The following RALA variants were observed in gnomAD, a reference collection of about 807,000 sequenced individuals.
The protein encoded by RALA is RAS like proto-oncogene A, also known as ras-related protein Ral-A.
RALA carries 5 observed loss-of-function variants against 24.0 expected under a neutral mutation model. The ratio of observed to expected loss-of-function variants is 0.21; its 90% confidence interval spans 0.11 to 0.44. RALA has a LOEUF of 0.44. Among genes scored for constraint, RALA ranks in the 20% least tolerant of loss-of-function variants. The pLI is 0.99. For missense variants in RALA, 95 were observed against 241.2 expected (o/e 0.39, Z 4.01); for synonymous variants, 77 against 83.8 (o/e 0.92, Z 0.44).
intron 1 of RALA, among the ~76,000 whole-genome samples, chr7:39,656,954 GT>G (rs1176354962): frequency 2.0e-5 from 3 of 151,984 alleles, no homozygotes; most frequent in Non-Finnish European, 4.4e-5. Flanking sequence ...TTGTTTGTTT[GT>G]TTTTGTGTTT....
intron 1 of RALA, chr7:39,624,213 C>G (rs1031869122): frequency 6.6e-6 from 1 of 152,292 alleles, no homozygotes; most frequent in South Asian, 2.1e-4. Context: ...ACCCCTCTCC[C>G]CTCCTTCCCT....
chr7:39,657,289 A>G (rs1041169961), intron 1 of RALA, among the ~76,000 whole-genome samples: 1 of 151,258 alleles, frequency 6.6e-6, no homozygotes, highest in African/African-American at 2.4e-5. Context: ...CTCCACCACA[A>G]CTCTCTGGAA....
chr7:39,659,491 A>G (rs1486480248), intron 1 of RALA, among the ~76,000 whole-genome samples: 1 of 152,142 alleles, frequency 6.6e-6, no homozygotes, highest in Non-Finnish European at 1.5e-5. Flanking sequence ...TCTTTCATGA[A>G]AAGGAGTTAA....
intron 1 of RALA, among the ~76,000 whole-genome samples, chr7:39,628,376 T>TAC (rs36095637): frequency 0.021 from 3,083 of 145,080 alleles, 77 homozygotes; most frequent in African/African-American, 0.063. Flanking sequence ...ACCTCATAAC[T>TAC]ACACACACAC....
At chr7:39,669,677 G>C (rs879593965) in intron 1 of RALA, among the ~76,000 whole-genome samples, 1 of 151,712 alleles carries the variant, frequency 6.6e-6, no homozygotes, top group Admixed American at 6.6e-5. Context: ...TTAACCAGGC[G>C]TGCCTGTAGT....
chr7:39,690,282 T>C (rs762170702), intron 2 of RALA, 100 bp from the exon 3 acceptor site: 20 of 973,612 alleles, frequency 2.1e-5, no homozygotes, highest in Non-Finnish European at 3.0e-5. Flanking sequence ...ACAGAACTCT[T>C]CTTGTACTAT....
chr7:39,697,266 T>C, intron 4 of RALA: 1 of 408,210 alleles, frequency 2.4e-6, no homozygotes, highest in East Asian at 7.1e-5. Flanking sequence ...CCTCCCAAGA[T>C]GAAGAAGCCC....
intron 1 of RALA, among the ~76,000 whole-genome samples, chr7:39,643,125 T>C (rs887750707): frequency 6.6e-6 from 1 of 152,184 alleles, no homozygotes; most frequent in Non-Finnish European, 1.5e-5. Context: ...AGTAAAACCC[T>C]GTGAGGTAGA....
intron 1 of RALA, among the ~76,000 whole-genome samples, chr7:39,672,402 A>G (rs1792404943): frequency 6.6e-6 from 1 of 152,192 alleles, no homozygotes; most frequent in Non-Finnish European, 1.5e-5. Context: ...GGACAGTGCC[A>G]GGATGTGAAA....
At chr7:39,678,375 G>A (rs1418839752) in intron 1 of RALA, among the ~76,000 whole-genome samples, 2 of 152,134 alleles carry the variant, frequency 1.3e-5, no homozygotes, top group African/African-American at 4.8e-5. Flanking sequence ...TCAGCACCTA[G>A]CACAGTGCCT....
At chr7:39,643,212 A>G (rs1791851344) in intron 1 of RALA, among the ~76,000 whole-genome samples, 1 of 152,264 alleles carries the variant, frequency 6.6e-6, no homozygotes, top group South Asian at 2.1e-4. Flanking sequence ...GAGCATCCAT[A>G]TAAATGCCAA....
intron 1 of RALA, among the ~76,000 whole-genome samples, chr7:39,684,514 T>C (rs565183821): frequency 4.6e-5 from 7 of 152,132 alleles, no homozygotes; most frequent in Admixed American, 1.3e-4. Context: ...TTGGGTGCCC[T>C]GTACAGCCCG....
rs1791883440 is a variant in RALA at position 39,643,972 on chromosome 7, A to C, written c.-38+20147A>C. Among the ~76,000 whole-genome samples the C allele has an allele frequency of 5.3e-5, 8 of 152,230 alleles. No homozygotes were observed. The South Asian group carries it at 1.7e-3, about 32-fold the overall frequency. On this transcript the variant is annotated intron_variant, in intron 1 of 4. Coordinates refer to ENST00000005257, the MANE Select transcript of RALA (RefSeq NM_005402.4). ...ATTCAAGGAATACTCCCCTGAATTC[A>C]TAATAGCCTCTGAGAGCAGGTTAAT...
chr7:39,648,659 C>T (rs1267972478), intron 1 of RALA, among the ~76,000 whole-genome samples: 2 of 152,104 alleles, frequency 1.3e-5, no homozygotes, highest in East Asian at 3.9e-4. Context: ...CCTCATAAGG[C>T]TTTTATTCCC....
chr7:39,690,714 C>G (rs937719254), intron 3 of RALA, 124 bp downstream of exon 3: 1 of 743,964 alleles, frequency 1.3e-6, no homozygotes. Flanking sequence ...TGTGTTTATT[C>G]CCTTTTTGAT....
chr7:39,688,553 C>T lies in RALA; in HGVS notation c.114+1772C>T, dbSNP rs565639521. Among the ~76,000 whole-genome samples, 376 of 150,388 alleles carry T rather than the reference C, an allele frequency of 2.5e-3. 1 individual carries two copies. The highest frequency in any genetic ancestry group is 9.0e-3 in the African/African-American group (366 of 40,528). On this transcript the variant is annotated intron_variant, in intron 2 of 4. Coordinates refer to ENST00000005257, the MANE Select transcript of RALA (RefSeq NM_005402.4). ...AGTCTCCTCTTGACAATAAGGAAGC[C>T]AAAAGTAAGAATATTCACATGCCTA...
At chr7:39,659,625 T>G (rs1370385518) in intron 1 of RALA, among the ~76,000 whole-genome samples, 1 of 152,202 alleles carries the variant, frequency 6.6e-6, no homozygotes, top group Non-Finnish European at 1.5e-5. Flanking sequence ...AGCATCTGTC[T>G]CCCTTCACTG....
intron 1 of RALA, among the ~76,000 whole-genome samples, chr7:39,679,388 G>A (rs1162197565): frequency 6.6e-6 from 1 of 152,082 alleles, no homozygotes; most frequent in East Asian, 1.9e-4. Context: ...AAGTCAAGGG[G>A]GCTCTGGTTT....
intron 1 of RALA, among the ~76,000 whole-genome samples, chr7:39,672,130 AAAGAT>A (rs1367346858): frequency 6.6e-6 from 1 of 152,208 alleles, no homozygotes; most frequent in Non-Finnish European, 1.5e-5. Flanking sequence ...AAGAAAATGA[AAAGAT>A]AAGCCACAAA....
Sources: allele counts gnomAD v4.1 joint callset (sites outside exome capture counted in the v4.1 genomes callset), GRCh38; gene constraint gnomAD v4.1.1; transcripts MANE v1.5; gene names NCBI Gene and HGNC (gene_info 2026-07-23, HGNC 2026-07-21).